Variants in TRPS1 observed in about 807,000 individuals in gnomAD.
The protein encoded by TRPS1 is zinc finger transcription factor Trps1.
A neutral mutation model predicts 101.2 loss-of-function variants in TRPS1; 6 were observed. That is an observed-to-expected ratio of 0.06 (90% CI 0.03 to 0.12). The LOEUF is 0.12. Ranked by LOEUF, TRPS1 falls within the 10% of genes least tolerant of loss-of-function variation. The probability of loss-of-function intolerance (pLI) is 1.00; values close to 1 mark genes in which losing one functional copy is unlikely to be tolerated. For missense variants in TRPS1, 1,363 were observed against 1,567.0 expected, an observed-to-expected ratio of 0.87 and a Z score of 2.20; for synonymous variants, 578 against 589.8, an observed-to-expected ratio of 0.98 and a Z score of 0.29.
intron 5 of TRPS1, among the ~76,000 whole-genome samples, chr8:115,555,984 C>T (rs1253618847): frequency 6.6e-6 from 1 of 152,004 alleles, no homozygotes; most frequent in African/African-American, 2.4e-5. Context: ...ATGATTGCAC[C>T]ACTGTATTCC....
At chr8:115,441,890 A>AGTGTGT (rs1368942740) in intron 5 of TRPS1, among the ~76,000 whole-genome samples, 4 of 137,468 alleles carry the variant, frequency 2.9e-5, no homozygotes, top group Non-Finnish European at 6.4e-5. Context: ...AGAGAGAGAG[A>AGTGTGT]GAGAGAGAGT....
At chr8:115,428,325 C>T (rs1813238566) in intron 5 of TRPS1, among the ~76,000 whole-genome samples, 1 of 152,186 alleles carries the variant, frequency 6.6e-6, no homozygotes, top group Admixed American at 6.5e-5. Flanking sequence ...TGTTCTTCAT[C>T]TATCTATGAA....
At chr8:115,470,279 T>C (rs1287008157) in intron 5 of TRPS1, among the ~76,000 whole-genome samples, 1 of 152,194 alleles carries the variant, frequency 6.6e-6, no homozygotes, top group Non-Finnish European at 1.5e-5. Context: ...TAAGAAATAA[T>C]GCAATGCACA....
rs1812718685 is a variant in TRPS1, at chr8:115,408,942, G to A, written c.*5081C>T. The A allele has an allele frequency of 6.6e-6, 1 of 152,058 alleles. No individual in the cohort carries two copies. The highest frequency in any genetic ancestry group is 2.1e-4 in the South Asian group (1 of 4,808). 9.4% of individuals were successfully genotyped at this position (152,058 alleles called of 1,614,324 possible). A position where few individuals can be genotyped will look rare whatever the true frequency, so the allele number is the denominator to read the frequency against. On this transcript the variant is annotated 3_prime_UTR_variant, in exon 7 of 7. Coordinates refer to ENST00000395715, the MANE Select transcript of TRPS1 (RefSeq NM_014112.5). Reference sequence around the variant, plus strand: ...CCATTAAGAAACTATGATTTTATCAGCCTAGTAATAGTTTTGCATCTTCAT... The same window carrying A: ...CCATTAAGAAACTATGATTTTATCAACCTAGTAATAGTTTTGCATCTTCAT...
rs1212439416 is a variant in TRPS1, at chr8:115,516,510, A to T, written c.2700+70491T>A. Among the ~76,000 whole-genome samples, 4 of 151,788 alleles carry T rather than the reference A, an allele frequency of 2.6e-5. No individual in the cohort carries two copies. In the East Asian group the frequency reaches 7.7e-4, roughly 29 times the overall value. ...AACATTAATATTAGTTTGGATACGG[A>T]TGATACATATATATAACTCTATAAA... is the stretch of plus-strand genomic sequence containing the variant. On this transcript the variant is annotated intron_variant, in intron 5 of 6. Coordinates refer to ENST00000395715, the MANE Select transcript of TRPS1 (RefSeq NM_014112.5).
intron 1 of TRPS1, among the ~76,000 whole-genome samples, chr8:115,638,745 T>C (rs118017450): frequency 0.011 from 1,711 of 152,312 alleles, 19 homozygotes; most frequent in Non-Finnish European, 0.016. Flanking sequence ...ACCCTTTTTT[T>C]TGAGCTTACT....
At chr8:115,661,721 G>A (rs932986102) in intron 1 of TRPS1, 3 of 151,372 alleles carry the variant, frequency 2.0e-5, no homozygotes, top group African/African-American at 7.3e-5. Flanking sequence ...AACCTTAAGG[G>A]GAGGGGAGCA....
intron 5 of TRPS1, among the ~76,000 whole-genome samples, chr8:115,435,036 A>G (rs1310249277): frequency 6.6e-6 from 1 of 152,224 alleles, no homozygotes; most frequent in East Asian, 1.9e-4. Flanking sequence ...ATTATAAATT[A>G]TTGATCTATT....
chr8:115,586,198 C>T (rs2130441140), intron 5 of TRPS1, among the ~76,000 whole-genome samples: 1 of 152,262 alleles, frequency 6.6e-6, no homozygotes, highest in Non-Finnish European at 1.5e-5. Context: ...GTAAAATGTC[C>T]AAGAGGTGGT....
At chr8:115,662,900 CA>C (rs1267634375) in intron 1 of TRPS1, among the ~76,000 whole-genome samples, 10 of 151,962 alleles carry the variant, frequency 6.6e-5, no homozygotes, top group Admixed American at 5.9e-4. Flanking sequence ...TTTAAACTTC[CA>C]CATTTTAGGC....
At chr8:115,533,437 T>C (rs13278344) in intron 5 of TRPS1, among the ~76,000 whole-genome samples, 9 of 101,732 alleles carry the variant, frequency 8.8e-5, no homozygotes, top group African/African-American at 3.6e-4. Context: ...ATGTAATCTG[T>C]TTTTTTTTTT....
chr8:115,540,730 T>C (rs989623214), intron 5 of TRPS1, among the ~76,000 whole-genome samples: 5 of 151,934 alleles, frequency 3.3e-5, no homozygotes, highest in African/African-American at 1.2e-4. Flanking sequence ...TTGAATTACA[T>C]ACCAGTTGTC....
intron 5 of TRPS1, among the ~76,000 whole-genome samples, chr8:115,545,574 A>G (rs925271483): frequency 6.6e-6 from 1 of 152,162 alleles, no homozygotes; most frequent in Non-Finnish European, 1.5e-5. Context: ...TACCCTTGAA[A>G]CCATCTGAAA....
At chr8:115,576,540 A>G (rs895975974) in intron 5 of TRPS1, among the ~76,000 whole-genome samples, 2 of 152,126 alleles carry the variant, frequency 1.3e-5, no homozygotes, top group South Asian at 2.1e-4. Flanking sequence ...TGAGTGACTC[A>G]CCCAGGGTCA....
At chr8:115,504,874 A>G (rs1815403571) in intron 5 of TRPS1, among the ~76,000 whole-genome samples, 1 of 152,182 alleles carries the variant, frequency 6.6e-6, no homozygotes, top group African/African-American at 2.4e-5. Flanking sequence ...GTTTAGGTGT[A>G]AGAAAATATC....
chr8:115,463,097 GA>G (rs1421779996), intron 5 of TRPS1, among the ~76,000 whole-genome samples: 1 of 152,126 alleles, frequency 6.6e-6, no homozygotes, highest in Non-Finnish European at 1.5e-5. Flanking sequence ...TGTGAGAGCT[GA>G]AAAAGTGTTT....
intron 5 of TRPS1, among the ~76,000 whole-genome samples, chr8:115,435,448 A>G (rs1813424234): frequency 1.3e-5 from 2 of 152,166 alleles, no homozygotes; most frequent in African/African-American, 4.8e-5. Context: ...CATGAGGCAC[A>G]TGCTATCCCT....
At chr8:115,430,444 A>AGTGTGTGT (rs141850172) in intron 5 of TRPS1, among the ~76,000 whole-genome samples, 112 of 149,890 alleles carry the variant, frequency 7.5e-4, no homozygotes, top group South Asian at 4.2e-3. Flanking sequence ...GCCACTTTGG[A>AGTGTGTGT]GTGTGTGTGT....
At chr8:115,639,314 CCA>C (rs1818841739) in intron 1 of TRPS1, among the ~76,000 whole-genome samples, 1 of 152,132 alleles carries the variant, frequency 6.6e-6, no homozygotes, top group Admixed American at 6.5e-5. Flanking sequence ...AGCCATCCTG[CCA>C]CCTTGGCCTT....
Sources: allele counts gnomAD v4.1 joint callset (sites outside exome capture counted in the v4.1 genomes callset), GRCh38; gene constraint gnomAD v4.1.1; transcripts MANE v1.5; gene names NCBI Gene and HGNC (gene_info 2026-07-23, HGNC 2026-07-21).